CREB5: variants seen among roughly 807,000 people sequenced by gnomAD.
CREB5 encodes cAMP responsive element binding protein 5.
Under a neutral mutation model 57.1 loss-of-function variants are expected in CREB5, and 19 were observed. The ratio of observed to expected loss-of-function variants is 0.33; its 90% CI spans 0.23 to 0.49. The LOEUF (loss-of-function observed/expected upper bound fraction) is 0.49, where lower values mean the gene tolerates loss of function less well. CREB5 is among the 20% of genes least tolerant of loss of function. The pLI is 0.99. For missense variants in CREB5, 579 were observed against 671.6 expected, an observed-to-expected ratio of 0.86 and a Z score of 1.52; for synonymous variants, 238 against 238.3, an observed-to-expected ratio of 1.00 and a Z score of 0.01.
intron 4 of CREB5, among the ~76,000 whole-genome samples, chr7:28,548,927 G>A (rs1006739366): frequency 1.3e-5 from 2 of 151,866 alleles, no homozygotes; most frequent in Non-Finnish European, 2.9e-5. Flanking sequence ...TAAATAATTA[G>A]GTCAAAACTA....
intron 1 of CREB5, among the ~76,000 whole-genome samples, chr7:28,377,951 A>AAG (rs1786876330): frequency 6.6e-6 from 1 of 150,412 alleles, no homozygotes; most frequent in Admixed American, 6.6e-5. Flanking sequence ...AAAAACAAAA[A>AAG]AGAAAAAGAA....
At chr7:28,307,762 A>G (rs150390362) in intron 1 of CREB5, among the ~76,000 whole-genome samples, 29 of 152,350 alleles carry the variant, frequency 1.9e-4, no homozygotes, top group African/African-American at 7.0e-4. Context: ...CAGAGGTTCA[A>G]CTGTGAATGA....
chr7:28,730,763 G>C (rs1803574091), intron 7 of CREB5, among the ~76,000 whole-genome samples: 1 of 152,116 alleles, frequency 6.6e-6, no homozygotes, highest in African/African-American at 2.4e-5. Context: ...TACTATGCTT[G>C]TTTTATAGAC....
At chr7:28,402,239 A>G (rs1253661245) in intron 1 of CREB5, among the ~76,000 whole-genome samples, 3 of 152,058 alleles carry the variant, frequency 2.0e-5, no homozygotes, top group Middle Eastern at 3.4e-3. Flanking sequence ...CATATCCTTC[A>G]CCCACTTTTT....
At position 28,349,042 on chromosome 7, in the gene CREB5, T is replaced by C. The variant is rs535837582; in HGVS notation, c.-25+49601T>C. ...ACGTTGCCAGGTGCAGGCTTACCAA[T>C]GCAATTGCACTGGGCCTTGTCGGTT... On this transcript the variant is annotated intron_variant, in intron 1 of 9. Transcript: ENST00000396299. Among the ~76,000 whole-genome samples the C allele has an allele frequency of 2.6e-5, 4 of 152,320 alleles. No individual in the cohort carries two copies. The East Asian group carries it at 5.8e-4, about 22-fold the overall frequency.
At chr7:28,509,898 C>T (rs1792632512) in intron 4 of CREB5, among the ~76,000 whole-genome samples, 1 of 152,192 alleles carries the variant, frequency 6.6e-6, no homozygotes, top group Admixed American at 6.5e-5. Context: ...CACTTGCACG[C>T]ATGGGAAGCT....
rs1158896677 is a variant in CREB5, at chr7:28,557,031, T to TGAGA, written c.292-13334_292-13333insGAGA. On this transcript the variant is annotated intron_variant, in intron 4 of 10. Transcript: ENST00000357727. Reference sequence around the variant, plus strand: ...CTTACTCTTGTAGGCCTAGGGATACTAACAGCTCCCTGCTGAAACTGGCCC... The same window carrying TGAGA: ...CTTACTCTTGTAGGCCTAGGGATACTGAGAAACAGCTCCCTGCTGAAACTGGCCC... Among the ~76,000 whole-genome samples, 12 of 142,454 alleles carry TGAGA rather than the reference T, an allele frequency of 8.4e-5. 2 individuals are homozygous for TGAGA. Among genetic ancestry groups the TGAGA allele is most frequent in the South Asian group, 2.2e-4 (1 of 4,618 alleles). The allele number at this position is 142,454 out of a possible 152,430, so 93.5% of individuals were successfully genotyped here.
intron 1 of CREB5, among the ~76,000 whole-genome samples, chr7:28,414,927 T>G (rs1404245240): frequency 2.6e-5 from 4 of 152,176 alleles, no homozygotes. Context: ...TAGGATAAAT[T>G]CTTGAACCCA....
intron 5 of CREB5, among the ~76,000 whole-genome samples, chr7:28,644,556 A>G (rs1798815814): frequency 6.6e-6 from 1 of 152,196 alleles, no homozygotes. Context: ...TTATCTGTGA[A>G]TGAACGTGGA....
chr7:28,699,459 C>G (rs1364569975), intron 5 of CREB5, among the ~76,000 whole-genome samples: 1 of 152,144 alleles, frequency 6.6e-6, no homozygotes, highest in East Asian at 1.9e-4. Flanking sequence ...TAGGAGTGTG[C>G]TCTCTGGGAA....
At chr7:28,764,239 CTT>C (rs1343442043) in intron 7 of CREB5, among the ~76,000 whole-genome samples, 1 of 151,720 alleles carries the variant, frequency 6.6e-6, no homozygotes, top group Non-Finnish European at 1.5e-5. Context: ...TTAATGTTCT[CTT>C]ATTATTTTTT....
intron 5 of CREB5, among the ~76,000 whole-genome samples, chr7:28,674,113 T>A (rs1248740325): frequency 7.6e-6 from 1 of 131,000 alleles, no homozygotes; most frequent in Non-Finnish European, 1.5e-5. Flanking sequence ...TCACGCAGAT[T>A]TTTTTTTTAA....
At chr7:28,475,949 G>A (rs942165837) in intron 1 of CREB5, among the ~76,000 whole-genome samples, 1 of 152,150 alleles carries the variant, frequency 6.6e-6, no homozygotes, top group Non-Finnish European at 1.5e-5. Context: ...CTTCACCCCA[G>A]AGTCAAGTGA....
intron 1 of CREB5, among the ~76,000 whole-genome samples, chr7:28,398,261 G>A (rs572580442): frequency 1.4e-4 from 21 of 152,036 alleles, no homozygotes; most frequent in Non-Finnish European, 2.6e-4. Flanking sequence ...TTTTTGTGTC[G>A]GGCCTCATGA....
At chr7:28,624,448 T>C (rs1797923403) in intron 5 of CREB5, among the ~76,000 whole-genome samples, 1 of 152,150 alleles carries the variant, frequency 6.6e-6, no homozygotes, top group Non-Finnish European at 1.5e-5. Flanking sequence ...TAATAATGCG[T>C]GTGGAAATCC....
upstream of CREB5, chr7:28,409,741 T>A (rs1051339207): frequency 8.3e-6 from 3 of 362,566 alleles, no homozygotes; most frequent in African/African-American, 6.7e-5. The surrounding 1 kb of genome is among the most constrained non-coding windows in gnomAD (Gnocchi z 4.4). Flanking sequence ...GCCGCGTGAG[T>A]GCCGGAGCGC....
At chr7:28,632,543 G>A (rs1798241523) in intron 5 of CREB5, among the ~76,000 whole-genome samples, 1 of 152,174 alleles carries the variant, frequency 6.6e-6, no homozygotes, top group East Asian at 1.9e-4. Flanking sequence ...TTCTTTAAAA[G>A]TTTTGTTCAC....
chr7:28,659,729 AAAATACAAAAATT>A (rs1214431828), intron 5 of CREB5, among the ~76,000 whole-genome samples: 1 of 152,238 alleles, frequency 6.6e-6, no homozygotes, highest in Non-Finnish European at 1.5e-5. Flanking sequence ...TGATGAGTTT[AAAATACAAAAATT>A]AAATACAAAT....
intron 7 of CREB5, among the ~76,000 whole-genome samples, chr7:28,772,673 A>G (rs1358131929): frequency 6.6e-6 from 1 of 152,230 alleles, no homozygotes; most frequent in East Asian, 1.9e-4. Context: ...TATAAGTTTC[A>G]TAGAGCAAAG....
Sources: allele counts gnomAD v4.1 joint callset (sites outside exome capture counted in the v4.1 genomes callset), GRCh38; gene constraint gnomAD v4.1.1; non-coding constraint Gnocchi (gnomAD v3.1); transcripts MANE v1.5; gene names NCBI Gene and HGNC (gene_info 2026-07-23, HGNC 2026-07-21).